PKNOX1: variants seen among roughly 807,000 people sequenced by gnomAD.
PKNOX1 encodes homeobox protein PKNOX1.
A neutral mutation model predicts 51.9 loss-of-function variants in PKNOX1; 15 were observed. The ratio of observed to expected loss-of-function variants is 0.29; its 90% CI spans 0.19 to 0.45. The LOEUF (loss-of-function observed/expected upper bound fraction) is 0.45. Among genes scored for constraint, PKNOX1 ranks in the 20% least tolerant of loss-of-function variants. The pLI is 1.00. For synonymous variants in PKNOX1, 219 were observed against 211.1 expected (o/e 1.04, Z -0.32); for missense variants, 462 against 547.5 (o/e 0.84, Z 1.56).
chr21:43,023,025 A>G (rs762394752), intron 8 of PKNOX1, among the ~76,000 whole-genome samples: 1 of 152,102 alleles, frequency 6.6e-6, no homozygotes, highest in Non-Finnish European at 1.5e-5. Flanking sequence ...AACCCTGCCC[A>G]TCATGTCCAG....
chr21:42,992,755 C>G (rs1013239103), intron 1 of PKNOX1, among the ~76,000 whole-genome samples: 1 of 146,410 alleles, frequency 6.8e-6, no homozygotes, highest in Non-Finnish European at 1.5e-5. Flanking sequence ...GGGGGGTTCC[C>G]TCATAGCATT....
chr21:42,987,404 A>AAAAATATATATATAT, intron 1 of PKNOX1, among the ~76,000 whole-genome samples: 3 of 41,418 alleles, frequency 7.2e-5, no homozygotes, highest in Non-Finnish European at 1.4e-4. Context: ...AAAAAAAAAA[A>AAAAATATATATATAT]ATATATATAT....
At chr21:43,022,893 G>A (rs1195616478) in intron 8 of PKNOX1, among the ~76,000 whole-genome samples, 1 of 152,160 alleles carries the variant, frequency 6.6e-6, no homozygotes, top group East Asian at 1.9e-4. Flanking sequence ...TACACACATT[G>A]CGATTATTAC....
chr21:43,019,836 C>T (rs1979676564), intron 7 of PKNOX1, among the ~76,000 whole-genome samples: 1 of 151,986 alleles, frequency 6.6e-6, no homozygotes, highest in South Asian at 2.1e-4. Context: ...GCTACTGCAC[C>T]CAGCTCTCAA....
At chr21:42,994,961 G>C (rs180926639) in intron 1 of PKNOX1, among the ~76,000 whole-genome samples, 3 of 121,828 alleles carry the variant, frequency 2.5e-5, no homozygotes, top group Admixed American at 1.1e-4. Flanking sequence ...TTGCTCTGTC[G>C]CCCAGGCTGG....
chr21:42,978,763 C>A (rs1359765471), intron 1 of PKNOX1, among the ~76,000 whole-genome samples: 1 of 152,092 alleles, frequency 6.6e-6, no homozygotes, highest in Non-Finnish European at 1.5e-5. Flanking sequence ...GGATTACAGG[C>A]ATGAGCCACC....
intron 2 of PKNOX1, 32 bp from the exon 3 acceptor site, chr21:43,007,459 T>A (rs1265090462): frequency 6.2e-7 from 1 of 1,610,204 alleles, no homozygotes; most frequent in Non-Finnish European, 8.5e-7. Context: ...AGTTTGTGTT[T>A]GCTAATAAGA....
intron 1 of PKNOX1, among the ~76,000 whole-genome samples, chr21:43,002,197 A>G (rs1331628628): frequency 6.6e-6 from 1 of 152,010 alleles, no homozygotes; most frequent in Non-Finnish European, 1.5e-5. Flanking sequence ...CTCTACATGT[A>G]CTAACTATAC....
At chr21:43,010,597 A>G (rs1241464073) in intron 4 of PKNOX1, among the ~76,000 whole-genome samples, 1 of 152,040 alleles carries the variant, frequency 6.6e-6, no homozygotes, top group African/African-American at 2.4e-5. Context: ...CACACCTGTA[A>G]TCCCAGCACT....
At chr21:42,998,222 C>T (rs1410617060) in intron 1 of PKNOX1, among the ~76,000 whole-genome samples, 4 of 152,156 alleles carry the variant, frequency 2.6e-5, no homozygotes, top group Admixed American at 2.0e-4. Flanking sequence ...AGCATGTGTG[C>T]AGGGGAGCTC....
chr21:42,986,002 G>GGA (rs1555857932), intron 1 of PKNOX1, among the ~76,000 whole-genome samples: 4 of 110,524 alleles, frequency 3.6e-5, no homozygotes, highest in Admixed American at 1.8e-4. Flanking sequence ...CTCTGTCTCA[G>GGA]AAAAAAAAAA....
In PKNOX1 at chr21:43,007,540, A is replaced by G; in HGVS notation, c.101A>G (p.Glu34Gly). Residue 34 changes from glutamate to glycine, a missense_variant, in exon 3 of 11, where the codon GAA becomes GGA. Glu to Gly is a moderately conservative substitution (Grantham distance 98). Transcript: ENST00000291547. Reference sequence around the variant, plus strand: ...ACAGAACAAGATCCAAACTGCTCTGAACCCGATGCAGAAGGAGTGAGCCCT... The same window carrying G: ...ACAGAACAAGATCCAAACTGCTCTGGACCCGATGCAGAAGGAGTGAGCCCT... The part of the protein sequence containing the change: ...LKTEQDPNCS[E>G]PDAEGVSPPP... 4 of 1,613,968 alleles carry G rather than the reference A, an allele frequency of 2.5e-6. No individual in the cohort carries two copies. Among genetic ancestry groups the G allele is most frequent in the Non-Finnish European group, 3.4e-6 (4 of 1,179,822 alleles).
At chr21:42,995,120 C>T (rs1978441350) in intron 1 of PKNOX1, among the ~76,000 whole-genome samples, 1 of 151,956 alleles carries the variant, frequency 6.6e-6, no homozygotes, top group Non-Finnish European at 1.5e-5. Flanking sequence ...CGGGGTTTTA[C>T]CATCTTGGCC....
intron 1 of PKNOX1, among the ~76,000 whole-genome samples, chr21:42,977,460 TGC>T (rs1287518978): frequency 1.3e-5 from 2 of 152,040 alleles, no homozygotes; most frequent in African/African-American, 4.8e-5. Flanking sequence ...TAGCACTTGC[TGC>T]TTCACCTTGT....
intron 2 of PKNOX1, 29 bp from the exon 3 acceptor site, chr21:43,007,462 T>C: frequency 6.2e-7 from 1 of 1,610,796 alleles, no homozygotes. Flanking sequence ...TTGTGTTTGC[T>C]AATAAGAATT....
intron 1 of PKNOX1, among the ~76,000 whole-genome samples, chr21:42,980,052 G>C (rs779924174): frequency 6.6e-6 from 1 of 152,112 alleles, no homozygotes; most frequent in Admixed American, 6.6e-5. Context: ...TGTAGTTAAC[G>C]TTTCTCTGGC....
At position 43,030,103 on chromosome 21, in the gene PKNOX1, G is replaced by A. The variant is rs751473767; in HGVS notation, c.*2G>A. 3 of 1,582,316 alleles carry A rather than the reference G, an allele frequency of 1.9e-6. No individual in the cohort carries two copies. The highest frequency in any genetic ancestry group is 1.7e-5 in the Admixed American group (1 of 57,484). ...GAGAACAGTGACTCCCTGCAGTAGGGGCAGGAGCAGACGCACCTGACTTTT... is the reference window on the plus strand; with the variant it reads ...GAGAACAGTGACTCCCTGCAGTAGGAGCAGGAGCAGACGCACCTGACTTTT... On this transcript the variant is annotated 3_prime_UTR_variant, in exon 11 of 11. Coordinates refer to ENST00000291547, the MANE Select transcript of PKNOX1 (RefSeq NM_004571.5).
chr21:43,000,580 G>T (rs1336122267), intron 1 of PKNOX1, among the ~76,000 whole-genome samples: 1 of 152,144 alleles, frequency 6.6e-6, no homozygotes, highest in East Asian at 1.9e-4. Flanking sequence ...CAACACGTGG[G>T]AATTCAAGAT....
At position 43,024,919 on chromosome 21, in the gene PKNOX1, A is replaced by C. The variant is rs1165465626; in HGVS notation, c.898A>C (p.Asn300His). The C allele has an allele frequency of 1.2e-6, 2 of 1,611,912 alleles. No homozygotes were observed. ...GAAAAAACAGATTGCTGCTCAGACA[A>C]ATTTGACACTACTCCAAGTCAACAA... ...DEKKQIAAQT[N>H]LTLLQVNNWF... is the part of the protein sequence containing the mutation. Residue 300 changes from asparagine (N) to histidine (H), a missense_variant, in exon 9 of 11, where the codon AAT becomes CAT. Around this residue, in one of 5 missense-constraint regions of PKNOX1, gnomAD observed 75 missense variants for 129.8 expected, o/e 0.58. Transcript: ENST00000291547.
Sources: allele counts gnomAD v4.1 joint callset (sites outside exome capture counted in the v4.1 genomes callset), GRCh38; gene constraint gnomAD v4.1.1; regional missense constraint gnomAD v4.1.1; transcripts MANE v1.5; gene names NCBI Gene and HGNC (gene_info 2026-07-23, HGNC 2026-07-21).